The following STRA6 variants were observed in gnomAD, a reference collection of about 807,000 sequenced individuals.
STRA6 encodes receptor for retinol uptake STRA6.
Under a neutral mutation model 83.6 loss-of-function variants are expected in STRA6, and 48 were observed. The observed-to-expected ratio is 0.57, with a 90% CI of 0.46 to 0.73. STRA6 has a LOEUF of 0.73. STRA6 is among the 30% of genes least tolerant of loss of function. The probability of loss-of-function intolerance (pLI) is 0.00; values close to 1 mark genes in which losing one functional copy is unlikely to be tolerated. For missense variants in STRA6, 760 were observed against 838.8 expected (o/e 0.91, Z 1.16); for synonymous variants, 353 against 362.3 (o/e 0.97, Z 0.29).
chr15:74,206,848 A>G (rs899505773), upstream of STRA6, among the ~76,000 whole-genome samples: 1 of 152,250 alleles, frequency 6.6e-6, no homozygotes, highest in Non-Finnish European at 1.5e-5. Context: ...GACCAGCATG[A>G]ACCCACGTGG....
At position 74,195,341 on chromosome 15, in the gene STRA6, G is replaced by C. The variant is rs1457574206; in HGVS notation, c.558C>G (p.Val186=). ...GSTLSWAHLG[V]QVWQRAECPQ... is the part of the protein sequence containing the mutation. Reference sequence around the variant, plus strand: ...GACACTCTGCCCTCTGCCAGACCTGGACCCCAAGGTGGGCCCAGGACAGCG... The same window carrying C: ...GACACTCTGCCCTCTGCCAGACCTGCACCCCAAGGTGGGCCCAGGACAGCG... The change falls in exon 7 of 19, where the codon GTC becomes GTG. Residue 186 remains valine (V), a synonymous_variant. Transcript: ENST00000395105. The C allele has an allele frequency of 6.8e-6, 11 of 1,613,440 alleles. No individual in the cohort carries two copies. The highest frequency in any genetic ancestry group is 9.3e-6 in the Non-Finnish European group (11 of 1,179,994).
chr15:74,191,084 G>A (rs755665306), intron 10 of STRA6, 83 bp downstream of exon 10: 46 of 1,580,836 alleles, frequency 2.9e-5, no homozygotes, highest in Admixed American at 2.0e-4. Context: ...TGGGGAGCAG[G>A]AGCCAGTCCT....
chr15:74,182,358 G>T lies in STRA6; in HGVS notation c.1403C>A (p.Ser468Tyr). 6.2e-7 allele frequency: 1 copy of T among 1,614,094 alleles called. No homozygotes were observed. The change falls in exon 15 of 19, where the codon TCC (serine) becomes TAC (tyrosine). Residue 468 changes from serine (S) to tyrosine (Y), a missense_variant. By Grantham distance (144) the Ser-to-Tyr change is moderately radical. Coordinates refer to ENST00000395105, the MANE Select transcript of STRA6 (RefSeq NM_022369.4). The stretch of plus-strand genomic sequence containing the variant: ...TTTCACTCACCACGAGGACTCCAGG[G>T]AACGGAAGAGCAGGAGGTTCCTGCC... ...LHGRNLLLFR[S>Y]LESSWPFWLT...
rs757931484 is a variant in STRA6 at position 74,180,930 on chromosome 15, G to A, written c.1692C>T (p.Tyr564=). ...CAATCTTCAAGAAGTTTCGGTACGTGTAGTAGCCTGGGGTGGGGTGGCGGA... is the reference window on the plus strand; with the variant it reads ...CAATCTTCAAGAAGTTTCGGTACGTATAGTAGCCTGGGGTGGGGTGGCGGA... The part of the protein sequence containing the change: ...PRAATLDPGY[Y]TYRNFLKIEV... Residue 564 remains tyrosine (Y), a synonymous_variant, in exon 18 of 19, where the codon TAC becomes TAT. Coordinates refer to ENST00000395105, the MANE Select transcript of STRA6 (RefSeq NM_022369.4). 164 of 1,613,768 alleles carry A rather than the reference G, an allele frequency of 1.0e-4. No homozygotes were observed. The highest frequency in any genetic ancestry group is 9.8e-4 in the Admixed American group (59 of 60,000).
chr15:74,198,566 T>G (rs2073925817), intron 2 of STRA6, among the ~76,000 whole-genome samples: 1 of 152,206 alleles, frequency 6.6e-6, no homozygotes, highest in Admixed American at 6.5e-5. Flanking sequence ...GGCCCTGTGA[T>G]TCGCCCTCTA....
chr15:74,180,303 C>A (rs1366749896), intron 18 of STRA6, 60 bp from the exon 19 acceptor site: 47 of 1,603,310 alleles, frequency 2.9e-5, no homozygotes, highest in Non-Finnish European at 3.7e-5. Flanking sequence ...CCTCCCTGGC[C>A]CTCAGACCTG....
chr15:74,203,796 G>T (rs550158551), upstream of STRA6, among the ~76,000 whole-genome samples: 1 of 152,192 alleles, frequency 6.6e-6, no homozygotes, highest in African/African-American at 2.4e-5. Context: ...ACCAAATTTA[G>T]TCCAAGAGCA....
intron 17 of STRA6, 27 bp downstream of exon 17, chr15:74,181,268 T>G: frequency 6.2e-7 from 1 of 1,610,568 alleles, no homozygotes; most frequent in Non-Finnish European, 8.5e-7. Context: ...GCCTGAGCAA[T>G]CCTCCAGCCC....
rs186791175 is a variant in STRA6 at position 74,183,371 on chromosome 15, G to A, written c.1300+485C>T. The A allele has an allele frequency of 3.8e-5, 13 of 337,858 alleles. No homozygotes were observed. In the East Asian group the frequency reaches 7.8e-4, roughly 20 times the overall value. 20.9% of individuals were successfully genotyped at this position (337,858 alleles called of 1,614,324 possible). A position where few individuals can be genotyped will look rare whatever the true frequency, so the allele number is the denominator to read the frequency against. On this transcript the variant is annotated intron_variant, in intron 14 of 18. Coordinates refer to ENST00000395105, the MANE Select transcript of STRA6 (RefSeq NM_022369.4). Reference sequence around the variant, plus strand: ...AGCGATTCTCCTGCCTCATCCTCCCGAATAGCTGGAACTGCAGGTGCACAC... The same window carrying A: ...AGCGATTCTCCTGCCTCATCCTCCCAAATAGCTGGAACTGCAGGTGCACAC...
chr15:74,191,494 G>A lies in STRA6; in HGVS notation c.721-3C>T, dbSNP rs572495166. On this transcript the variant is annotated splice_region_variant and splice_polypyrimidine_tract_variant and intron_variant, in intron 8 of 18. Coordinates refer to ENST00000395105, the MANE Select transcript of STRA6 (RefSeq NM_022369.4). ...TCAGAGTAGCTGCTCTGCAGCCCCT[G>A]TGGAGACAGACAATTGAACAAGCAG... 6.2e-7 allele frequency: 1 copy of A among 1,613,986 alleles called. No homozygotes were observed. Among genetic ancestry groups the A allele is most frequent in the South Asian group, 1.1e-5 (1 of 91,084 alleles).
rs763093971 is a variant in STRA6 at position 74,183,934 on chromosome 15, G to A, written c.1222C>T (p.Arg408Trp). The A allele has an allele frequency of 2.2e-5, 35 of 1,613,754 alleles. 1 individual carries two copies. The Admixed American group carries it at 2.7e-4, about 12-fold the overall frequency. The change falls in exon 14 of 19, where the codon CGG becomes TGG. Residue 408 changes from arginine to tryptophan, a missense_variant. Physicochemically the swap from Arg to Trp is moderately radical, Grantham distance 101. Transcript: ENST00000395105. ...GCTTGGCGGGAGGGATGGGGACTCCGATGCAAGGGACTCAAGTCCAGGGCA... is the reference window on the plus strand; with the variant it reads ...GCTTGGCGGGAGGGATGGGGACTCCAATGCAAGGGACTCAAGTCCAGGGCA... Reference protein sequence around the residue: ...GAALDLSPLHRSPHPSRQAIF... With the variant: ...GAALDLSPLHWSPHPSRQAIF...
At chr15:74,184,567 A>G (rs1595828858) in intron 13 of STRA6, among the ~76,000 whole-genome samples, 1 of 152,112 alleles carries the variant, frequency 6.6e-6, no homozygotes, top group African/African-American at 2.4e-5. Flanking sequence ...GCTACCCCTC[A>G]CCTACACTCT....
chr15:74,191,091 T>A (rs779490014), intron 10 of STRA6, 76 bp downstream of exon 10: 4 of 1,586,370 alleles, frequency 2.5e-6, no homozygotes, highest in Non-Finnish European at 3.4e-6. Context: ...CAGGAGCCAG[T>A]CCTCCACTGC....
Position 74,182,452 on chromosome 15 carries a change from C to A in STRA6, c.1309G>T (p.Val437Leu). The A allele has an allele frequency of 1.2e-6, 2 of 1,609,028 alleles. No individual in the cohort carries two copies. Among genetic ancestry groups the A allele is most frequent in the Non-Finnish European group, 8.5e-7 (1 of 1,177,788 alleles). Residue 437 changes from valine to leucine, a missense_variant, in exon 15 of 19, where the codon GTG becomes TTG. Coordinates refer to ENST00000395105, the MANE Select transcript of STRA6 (RefSeq NM_022369.4). ...CCCAGGAAGAAGATGATCTGCTGCA[C>A]CAGGAGCCCTGCCAGGGGCGGGAGT... ...QTAFICLGLL[V>L]QQIIFFLGTT...
At chr15:74,191,110 T>C (rs1028778687) in intron 10 of STRA6, 57 bp downstream of exon 10, 13 of 1,600,872 alleles carry the variant, frequency 8.1e-6, no homozygotes, top group Middle Eastern at 1.7e-4. Flanking sequence ...GCAGCCATTC[T>C]GTGCAAGGGA....
intron 3 of STRA6, 136 bp downstream of exon 3, chr15:74,197,616 T>G (rs1256586534): frequency 7.7e-7 from 1 of 1,299,356 alleles, no homozygotes; most frequent in African/African-American, 1.5e-5. Context: ...GCCTCCAAGC[T>G]GGGAGAACTC....
intron 18 of STRA6, 130 bp downstream of exon 18, chr15:74,180,652 A>C (rs1595819672): frequency 7.3e-7 from 1 of 1,363,364 alleles, no homozygotes; most frequent in East Asian, 2.4e-5. Flanking sequence ...AGGGGTGACC[A>C]AAGGCAGCCA....
chr15:74,194,335 C>T, intron 7 of STRA6: 5 of 1,110,226 alleles, frequency 4.5e-6, no homozygotes, highest in Non-Finnish European at 5.5e-6. Flanking sequence ...TGCCCTACTC[C>T]TCAGGGCTGA....
intron 16 of STRA6, among the ~76,000 whole-genome samples, chr15:74,181,943 G>A (rs960111626): frequency 6.6e-6 from 1 of 152,206 alleles, no homozygotes; most frequent in Admixed American, 6.5e-5. Context: ...GTTCACGGGG[G>A]TACTTCCAGC....
Sources: allele counts gnomAD v4.1 joint callset (sites outside exome capture counted in the v4.1 genomes callset), GRCh38; gene constraint gnomAD v4.1.1; transcripts MANE v1.5; gene names NCBI Gene and HGNC (gene_info 2026-07-23, HGNC 2026-07-21).